Variants in PCSK5 observed in about 807,000 individuals in gnomAD.
The protein encoded by PCSK5 is prohormone convertase 5.
A neutral mutation model predicts 233.2 loss-of-function variants in PCSK5; 129 were observed. The ratio of observed to expected loss-of-function variants is 0.55; its 90% CI spans 0.48 to 0.64. The LOEUF (loss-of-function observed/expected upper bound fraction) is 0.64, where lower values mean the gene tolerates loss of function less well. Among genes scored for constraint, PCSK5 ranks in the 30% least tolerant of loss-of-function variants. PCSK5 has a pLI of 0.00. For synonymous variants in PCSK5, 825 were observed against 879.2 expected, an observed-to-expected ratio of 0.94 and a Z score of 1.09; for missense variants, 2,076 against 2,430.1, an observed-to-expected ratio of 0.85 and a Z score of 3.06.
chr9:76,140,279 C>CA (rs1235194405), intron 10 of PCSK5, among the ~76,000 whole-genome samples: 1 of 152,020 alleles, frequency 6.6e-6, no homozygotes, highest in African/African-American at 2.4e-5. Context: ...GTGATTTTGC[C>CA]AAAATCTTAA....
At chr9:76,270,828 G>T (rs1196160960) in intron 24 of PCSK5, among the ~76,000 whole-genome samples, 1 of 152,246 alleles carries the variant, frequency 6.6e-6, no homozygotes, top group Middle Eastern at 3.4e-3. Context: ...TTTAAATAAA[G>T]GTAATTCACA....
intron 24 of PCSK5, among the ~76,000 whole-genome samples, chr9:76,258,559 T>G: frequency 6.6e-6 from 1 of 152,218 alleles, no homozygotes; most frequent in South Asian, 2.1e-4. Flanking sequence ...CTTAGAAATC[T>G]TACATGAATT....
rs1315266872 is a variant in PCSK5, at chr9:76,071,870, G to A, written c.866G>A (p.Arg289Gln). ...GTGGACGGACCAGCCCCCCTCACCC[G>A]GCAAGCCTTTGAAAACGGCGTTAGA... ...KTVDGPAPLT[R>Q]QAFENGVRMG... Residue 289 changes from arginine to glutamine, a missense_variant, in exon 7 of 38, where the codon CGG (arginine) becomes CAG (glutamine). By Grantham distance (43) the Arg-to-Gln change is conservative. Transcript: ENST00000674117. The A allele has an allele frequency of 7.4e-6, 12 of 1,613,930 alleles. No homozygotes were observed. The highest frequency in any genetic ancestry group is 6.7e-5 in the African/African-American group (5 of 74,914).
intron 9 of PCSK5, among the ~76,000 whole-genome samples, chr9:76,127,876 G>A (rs1194224194): frequency 8.6e-6 from 1 of 115,984 alleles, no homozygotes; most frequent in African/African-American, 2.9e-5. Flanking sequence ...AGGAAACAGA[G>A]ACTTTCAAGA....
At chr9:75,890,587 G>A (rs1345622960), upstream of PCSK5, 1 of 152,998 alleles carries the variant, frequency 6.5e-6, no homozygotes, top group African/African-American at 2.4e-5. Flanking sequence ...GGGCGGAGGA[G>A]GGAGAGGAGG....
intron 35 of PCSK5, among the ~76,000 whole-genome samples, chr9:76,339,884 A>C (rs555532724): frequency 6.4e-4 from 97 of 152,220 alleles, no homozygotes; most frequent in Non-Finnish European, 1.1e-3. Flanking sequence ...AGATTTTCCC[A>C]GCAGTCCCCT....
intron 1 of PCSK5, among the ~76,000 whole-genome samples, chr9:75,932,000 G>T (rs2131281375): frequency 6.6e-6 from 1 of 152,230 alleles, no homozygotes; most frequent in South Asian, 2.1e-4. Flanking sequence ...CAAACAAAAT[G>T]CAATGTGTTT....
At chr9:75,984,484 T>A (rs1031455983) in intron 2 of PCSK5, among the ~76,000 whole-genome samples, 1 of 152,216 alleles carries the variant, frequency 6.6e-6, no homozygotes, top group Non-Finnish European at 1.5e-5. Flanking sequence ...AGCAGCCTTC[T>A]TTTACCAAGC....
intron 20 of PCSK5, among the ~76,000 whole-genome samples, chr9:76,207,626 T>C (rs1825172736): frequency 6.6e-6 from 1 of 152,126 alleles, no homozygotes; most frequent in Admixed American, 6.5e-5. Context: ...AATAAAGGGA[T>C]CTAAATGAGG....
intron 1 of PCSK5, among the ~76,000 whole-genome samples, chr9:75,908,845 TCCG>T (rs748499372): frequency 6.6e-6 from 1 of 150,652 alleles, no homozygotes; most frequent in African/African-American, 2.4e-5. Context: ...TATCCATCCA[TCCG>T]CCATCCATGC....
intron 2 of PCSK5, among the ~76,000 whole-genome samples, chr9:75,950,339 A>T (rs553154467): frequency 6.6e-6 from 1 of 152,220 alleles, no homozygotes; most frequent in African/African-American, 2.4e-5. Context: ...CCAAAAAGAC[A>T]TATTAACCAG....
chr9:76,153,541 C>T (rs1823760028), intron 10 of PCSK5, among the ~76,000 whole-genome samples: 1 of 152,186 alleles, frequency 6.6e-6, no homozygotes, highest in Non-Finnish European at 1.5e-5. Context: ...TTGCTCTGAA[C>T]TGGGTGTGAG....
At chr9:76,037,052 T>C (rs1012064963) in intron 5 of PCSK5, among the ~76,000 whole-genome samples, 2 of 152,248 alleles carry the variant, frequency 1.3e-5, no homozygotes, top group African/African-American at 4.8e-5. Flanking sequence ...ACAAAGATTA[T>C]ATTTTACAGT....
chr9:76,337,334 G>T (rs1462848519), intron 34 of PCSK5, among the ~76,000 whole-genome samples: 1 of 151,028 alleles, frequency 6.6e-6, no homozygotes, highest in Non-Finnish European at 1.5e-5. Flanking sequence ...TTGTTTGTTT[G>T]TTTGTTTGTA....
intron 2 of PCSK5, among the ~76,000 whole-genome samples, chr9:75,970,304 T>C (rs1825763069): frequency 6.6e-6 from 1 of 152,242 alleles, no homozygotes; most frequent in African/African-American, 2.4e-5. Flanking sequence ...GTTTTTCTCT[T>C]TCTTTTTCAA....
At chr9:76,283,048 C>A (rs1827932059) in intron 24 of PCSK5, among the ~76,000 whole-genome samples, 2 of 152,266 alleles carry the variant, frequency 1.3e-5, no homozygotes, top group South Asian at 4.1e-4. Context: ...AAAATTTGAA[C>A]AGACAAGAAA....
chr9:76,072,819 G>C (rs888250882), intron 7 of PCSK5, among the ~76,000 whole-genome samples: 8 of 152,248 alleles, frequency 5.3e-5, no homozygotes, highest in Admixed American at 5.2e-4. Flanking sequence ...TGACCATCAA[G>C]CGCCAGCTAA....
chr9:76,159,286 G>A (rs1822743701), intron 12 of PCSK5, 115 bp downstream of exon 12: 2 of 867,412 alleles, frequency 2.3e-6, no homozygotes, highest in African/African-American at 1.7e-5. Flanking sequence ...CAGAGGGGGT[G>A]CTTAGATGTC....
intron 24 of PCSK5, among the ~76,000 whole-genome samples, chr9:76,261,603 G>A (rs371598821): frequency 2.0e-5 from 3 of 152,104 alleles, no homozygotes; most frequent in African/African-American, 7.2e-5. Context: ...ACTACAAAAC[G>A]CTGTCAAAAG....
Sources: gnomAD v4.1 joint callset for allele counts (sites outside exome capture counted in the v4.1 genomes callset) on GRCh38, gnomAD v4.1.1 for gene constraint, MANE v1.5 for transcripts, NCBI Gene and HGNC (gene_info 2026-07-23, HGNC 2026-07-21) for gene names.